Variants in NEFH observed in about 807,000 individuals in gnomAD.
NEFH encodes the protein neurofilament heavy polypeptide.
A neutral mutation model predicts 56.6 loss-of-function variants in NEFH; 58 were observed. The observed-to-expected ratio is 1.03, with a 90% CI of 0.83 to 1.28. The LOEUF (loss-of-function observed/expected upper bound fraction) is 1.28, where lower values mean the gene tolerates loss of function less well. Ranked by LOEUF, NEFH falls within the 50% of genes most tolerant of loss-of-function variation. NEFH has a pLI of 0.00. For missense variants in NEFH, 1,221 were observed against 1,307.6 expected (o/e 0.93, Z 1.02); for synonymous variants, 542 against 545.8 (o/e 0.99, Z 0.10).
At position 29,481,112 on chromosome 22, in the gene NEFH, C is replaced by A; in HGVS notation, c.850C>A (p.Gln284Lys). 2 of 1,531,222 alleles carry A rather than the reference C, an allele frequency of 1.3e-6. No individual in the cohort carries two copies. Among genetic ancestry groups the A allele is most frequent in the African/African-American group, 2.7e-5 (2 of 72,774 alleles). 94.9% of individuals were successfully genotyped at this position (1,531,222 alleles called of 1,614,324 possible). Residue 284 changes from glutamine (Q) to lysine (K), a missense_variant, in exon 1 of 4, where the codon CAG becomes AAG. Gln to Lys is a moderately conservative substitution (Grantham distance 53). Around this residue, in one of 4 missense-constraint regions of NEFH, gnomAD observed 640 missense variants for 555.5 expected, o/e 1.15. Coordinates refer to ENST00000310624, the MANE Select transcript of NEFH (RefSeq NM_021076.4). ...CGCGCAGCTTGAAGGCCACGCGGTGCAGAGCACGCTGCAGTCCGAGGAGTG... is the reference window on the plus strand; with the variant it reads ...CGCGCAGCTTGAAGGCCACGCGGTGAAGAGCACGCTGCAGTCCGAGGAGTG... ...IRAQLEGHAV[Q>K]STLQSEEWFR...
chr22:29,480,957 G>A lies in NEFH; in HGVS notation c.695G>A (p.Arg232His). The part of the protein sequence containing the change: ...ALQEECGYLR[R>H]HHQEEVGELL... ...CAGGAGGAGTGCGGCTACCTGCGGC[G>A]CCACCACCAGGAAGAGGTGGGCGAG... The change falls in exon 1 of 4, where the codon CGC becomes CAC. Residue 232 changes from arginine (R) to histidine (H), a missense_variant. This residue lies in a region of NEFH where 640 missense variants were observed against 555.5 expected (regional missense o/e 1.15). Coordinates refer to ENST00000310624, the MANE Select transcript of NEFH (RefSeq NM_021076.4). 6.5e-7 allele frequency: 1 copy of A among 1,530,202 alleles called. No homozygotes were observed. Among genetic ancestry groups the A allele is most frequent in the Non-Finnish European group, 8.7e-7 (1 of 1,145,078 alleles). 94.8% of individuals were successfully genotyped at this position (1,530,202 alleles called of 1,614,324 possible).
chr22:29,489,517 C>G lies in NEFH; in HGVS notation c.1877C>G (p.Ala626Gly). Residue 626 changes from alanine (A) to glycine (G), a missense_variant, in exon 4 of 4, where the codon GCA (alanine) becomes GGA (glycine). Ala to Gly is a moderately conservative substitution (Grantham distance 60, BLOSUM62 0). Around this residue, in one of 4 missense-constraint regions of NEFH, gnomAD observed 243 missense variants for 299.1 expected, o/e 0.81. Coordinates refer to ENST00000310624, the MANE Select transcript of NEFH (RefSeq NM_021076.4). ...GCCAAGTCCCCAGTGAAGGAAGAAG[C>G]AAAATCTCCAGCTGAGGTCAAGTCC... ...AEAKSPVKEEAKSPAEVKSPE... is the reference protein window; with the variant it reads ...AEAKSPVKEEGKSPAEVKSPE... The G allele has an allele frequency of 6.2e-7, 1 of 1,612,588 alleles. No homozygotes were observed. The highest frequency in any genetic ancestry group is 8.5e-7 in the Non-Finnish European group (1 of 1,179,426).
Position 29,491,047 on chromosome 22 carries a change from C to T in NEFH, c.*344C>T. 1 of 403,126 alleles carries T rather than the reference C, an allele frequency of 2.5e-6. No homozygotes were observed. Among genetic ancestry groups the T allele is most frequent in the Non-Finnish European group, 4.7e-6 (1 of 213,696 alleles). The allele number at this position is 403,126 out of a possible 1,614,324, so 25.0% of individuals were successfully genotyped here. The stretch of plus-strand genomic sequence containing the variant: ...ATTTATTGCCTCTATGTGCAACTGA[C>T]AGATGACCGCAATAATGAATGAGCA... On this transcript the variant is annotated 3_prime_UTR_variant, in exon 4 of 4. Coordinates refer to ENST00000310624, the MANE Select transcript of NEFH (RefSeq NM_021076.4).
Position 29,480,498 on chromosome 22 carries a change from C to T in NEFH, c.236C>T (p.Thr79Met), listed in dbSNP as rs1239220666. 1 of 1,534,034 alleles carries T rather than the reference C, an allele frequency of 6.5e-7. No homozygotes were observed. The highest frequency in any genetic ancestry group is 1.4e-5 in the African/African-American group (1 of 73,020). ...GAASSTDSLD[T>M]LSNGPEGCMV... is the part of the protein sequence containing the mutation. ...GCCTCAAGCACCGACTCGCTGGACACGCTGAGCAACGGGCCGGAGGGCTGC... is the reference window on the plus strand; with the variant it reads ...GCCTCAAGCACCGACTCGCTGGACATGCTGAGCAACGGGCCGGAGGGCTGC... Residue 79 changes from threonine to methionine, a missense_variant, in exon 1 of 4, where the codon ACG (threonine) becomes ATG (methionine). This residue lies in a region of NEFH where 640 missense variants were observed against 555.5 expected (regional missense o/e 1.15). Transcript: ENST00000310624.
At chr22:29,485,396 C>CAATA (rs1436763520) in intron 2 of NEFH, among the ~76,000 whole-genome samples, 1 of 152,220 alleles carries the variant, frequency 6.6e-6, no homozygotes, top group Non-Finnish European at 1.5e-5. Context: ...AGCCACCACT[C>CAATA]CCGGCCTCAC....
At position 29,490,730 on chromosome 22, in the gene NEFH, A is replaced by G. The variant is rs1250271822; in HGVS notation, c.*27A>G. ...GCAGGGAGAAAGGAACATCCGGAACAGCCAAAGAAACTCAGAAGAGTCCCG... is the reference window on the plus strand; with the variant it reads ...GCAGGGAGAAAGGAACATCCGGAACGGCCAAAGAAACTCAGAAGAGTCCCG... On this transcript the variant is annotated 3_prime_UTR_variant, in exon 4 of 4. Coordinates refer to ENST00000310624, the MANE Select transcript of NEFH (RefSeq NM_021076.4). 1.2e-6 allele frequency: 2 copies of G among 1,613,748 alleles called. No homozygotes were observed. The highest frequency in any genetic ancestry group is 2.2e-5 in the East Asian group (1 of 44,880).
intron 3 of NEFH, 40 bp downstream of exon 3, chr22:29,485,887 G>C (rs764959146): frequency 2.5e-6 from 4 of 1,613,168 alleles, no homozygotes; most frequent in Non-Finnish European, 3.4e-6. Flanking sequence ...AAGAAAGCTT[G>C]TGTTCCTGCG....
rs2063040385 is a variant in NEFH, at chr22:29,485,714, C to T, written c.1084-9C>T. 2.5e-6 allele frequency: 4 copies of T among 1,613,410 alleles called. No individual in the cohort carries two copies. The highest frequency in any genetic ancestry group is 3.4e-6 in the Non-Finnish European group (4 of 1,179,734). On this transcript the variant is annotated splice_polypyrimidine_tract_variant and intron_variant, in intron 2 of 3. Transcript: ENST00000310624. ...CTGGCATGTGATGTGTGTCACCTCT[C>T]CTTCCCAGGAAGCCATTCAGCAGCT...
At chr22:29,482,772 G>A (rs1251768078) in intron 1 of NEFH, among the ~76,000 whole-genome samples, 1 of 152,218 alleles carries the variant, frequency 6.6e-6, no homozygotes, top group Non-Finnish European at 1.5e-5. Context: ...CAGGCATTAG[G>A]ACCAGGGTTT....
Position 29,490,484 on chromosome 22 carries a change from G to C in NEFH, c.2844G>C (p.Lys948Asn). 1 of 1,589,604 alleles carries C rather than the reference G, an allele frequency of 6.3e-7. No individual in the cohort carries two copies. Among genetic ancestry groups the C allele is most frequent in the Non-Finnish European group, 8.5e-7 (1 of 1,173,434 alleles). ...AKEPSKPAEK[K>N]EAAPEKKDTK... The stretch of plus-strand genomic sequence containing the variant: ...AACCCAGCAAACCAGCAGAGAAGAA[G>C]GAGGCAGCACCGGAGAAAAAAGACA... Residue 948 changes from lysine (K) to asparagine (N), a missense_variant, in exon 4 of 4, where the codon AAG becomes AAC. By Grantham distance (94) the Lys-to-Asn change is moderately conservative. This residue lies in a region of NEFH where 301 missense variants were observed against 346.6 expected (regional missense o/e 0.87). Coordinates refer to ENST00000310624, the MANE Select transcript of NEFH (RefSeq NM_021076.4).
Position 29,487,174 on chromosome 22 carries a change from G to T in NEFH, c.1208+1327G>T, listed in dbSNP as rs183813133. On this transcript the variant is annotated intron_variant, in intron 3 of 3. Coordinates refer to ENST00000310624, the MANE Select transcript of NEFH (RefSeq NM_021076.4). ...GAAATCCAGTCTGAGGAATAAGACC[G>T]GGGGGAGCAGGGCTAGGGAGCAGGA... Among the ~76,000 whole-genome samples the T allele has an allele frequency of 1.9e-4, 29 of 152,212 alleles. No homozygotes were observed. The East Asian group carries it at 5.0e-3, about 26-fold the overall frequency.
Position 29,480,658 on chromosome 22 carries a change from G to A in NEFH, c.396G>A (p.Leu132=). The A allele has an allele frequency of 6.4e-7, 1 of 1,553,730 alleles. No homozygotes were observed. Among genetic ancestry groups the A allele is most frequent in the Non-Finnish European group, 8.6e-7 (1 of 1,158,668 alleles). ...GCCTGGAGGGCGAGGCTGCGGCGCTGCGGCAGCAGCAGGCGGGCCGCTCCG... is the reference window on the plus strand; with the variant it reads ...GCCTGGAGGGCGAGGCTGCGGCGCTACGGCAGCAGCAGGCGGGCCGCTCCG... ...NRSLEGEAAA[L]RQQQAGRSAM... The change falls in exon 1 of 4, where the codon CTG becomes CTA. Residue 132 remains leucine, a synonymous_variant. Coordinates refer to ENST00000310624, the MANE Select transcript of NEFH (RefSeq NM_021076.4).
intron 1 of NEFH, among the ~76,000 whole-genome samples, chr22:29,483,089 C>T (rs1406360598): frequency 6.6e-6 from 1 of 152,024 alleles, no homozygotes; most frequent in Non-Finnish European, 1.5e-5. Context: ...GACCGCCTGG[C>T]GAATGTGGCA....
intron 1 of NEFH, 81 bp from the exon 2 acceptor site, chr22:29,483,294 A>G: frequency 1.5e-6 from 2 of 1,347,864 alleles, no homozygotes; most frequent in Non-Finnish European, 2.1e-6. Flanking sequence ...AAAAAAAAGA[A>G]AAAGAACAAA....
Position 29,485,727 on chromosome 22 carries a change from C to A in NEFH, c.1088C>A (p.Ala363Asp), listed in dbSNP as rs1262717708. Reference protein sequence around the residue: ...HQADIASYQEAIQQLDAELRN... With the variant: ...HQADIASYQEDIQQLDAELRN... ...TGTGTCACCTCTCCTTCCCAGGAAG[C>A]CATTCAGCAGCTGGACGCTGAGCTG... Residue 363 changes from alanine (A) to aspartate (D), a missense_variant, in exon 3 of 4, where the codon GCC becomes GAC. By Grantham distance (126) the Ala-to-Asp change is moderately radical. This residue lies in a region of NEFH where 640 missense variants were observed against 555.5 expected (regional missense o/e 1.15). Coordinates refer to ENST00000310624, the MANE Select transcript of NEFH (RefSeq NM_021076.4). The A allele has an allele frequency of 4.3e-6, 7 of 1,613,882 alleles. No homozygotes were observed. Among genetic ancestry groups the A allele is most frequent in the Non-Finnish European group, 5.9e-6 (7 of 1,179,968 alleles).
At chr22:29,485,348 C>G (rs2063038094) in intron 2 of NEFH, among the ~76,000 whole-genome samples, 2 of 152,194 alleles carry the variant, frequency 1.3e-5, no homozygotes, top group South Asian at 4.1e-4. Context: ...AGTGATCCAC[C>G]CTCCTCAGCT....
At chr22:29,485,344 C>G (rs2063038038) in intron 2 of NEFH, among the ~76,000 whole-genome samples, 1 of 152,184 alleles carries the variant, frequency 6.6e-6, no homozygotes, top group Non-Finnish European at 1.5e-5. Flanking sequence ...CTCAAGTGAT[C>G]CACCCTCCTC....
Position 29,489,060 on chromosome 22 carries a change from G to A in NEFH, c.1420G>A (p.Glu474Lys). The A allele has an allele frequency of 1.2e-6, 2 of 1,613,972 alleles. No individual in the cohort carries two copies. Among genetic ancestry groups the A allele is most frequent in the South Asian group, 2.2e-5 (2 of 91,056 alleles). Residue 474 changes from glutamate to lysine, a missense_variant, in exon 4 of 4, where the codon GAG (glutamate) becomes AAG (lysine). By Grantham distance (56) the Glu-to-Lys change is moderately conservative. Around this residue, in one of 4 missense-constraint regions of NEFH, gnomAD observed 243 missense variants for 299.1 expected, o/e 0.81. Coordinates refer to ENST00000310624, the MANE Select transcript of NEFH (RefSeq NM_021076.4). ...AGTGACTGAAGAAGTGACTGAAGAA[G>A]AGGAGAAAGAGGCCAAAGAGGAGGA... ...TQVTEEVTEE[E>K]EKEAKEEEGK...
chr22:29,480,295 G>T lies in NEFH; in HGVS notation c.33G>T (p.Leu11=), dbSNP rs1215590142. ...GCTTCGGCGGCGCGGACGCGCTGCT[G>T]GGCGCCCCGTTCGCGCCGCTGCATG... MMSFGGADAL[L]GAPFAPLHGG... is the part of the protein sequence containing the mutation. The change falls in exon 1 of 4, where the codon CTG becomes CTT. Residue 11 remains leucine, a synonymous_variant. Transcript: ENST00000310624. 3.3e-6 allele frequency: 5 copies of T among 1,508,442 alleles called. No homozygotes were observed. Among genetic ancestry groups the T allele is most frequent in the Middle Eastern group, 2.1e-4 (1 of 4,796 alleles). The allele number at this position is 1,508,442 out of a possible 1,614,324, so 93.4% of individuals were successfully genotyped here.
Sources: allele counts gnomAD v4.1 joint callset (sites outside exome capture counted in the v4.1 genomes callset), GRCh38; gene constraint gnomAD v4.1.1; regional missense constraint gnomAD v4.1.1; transcripts MANE v1.5; gene names NCBI Gene and HGNC (gene_info 2026-07-23, HGNC 2026-07-21).